Variants in DDX25 observed in about 807,000 individuals in gnomAD.
DDX25 encodes the protein DEAD-box helicase 25.
A neutral mutation model predicts 64.6 loss-of-function variants in DDX25; 70 were observed. That is an observed-to-expected ratio of 1.08 (90% CI 0.89 to 1.32). The LOEUF is 1.32. Among genes scored for constraint, DDX25 ranks in the 40% most tolerant of loss-of-function variants. DDX25 has a pLI of 0.00. For missense variants in DDX25, 587 were observed against 604.4 expected (o/e 0.97, Z 0.30); for synonymous variants, 211 against 213.3 (o/e 0.99, Z 0.09).
At chr11:125,907,552 G>T (rs1285071008) in intron 4 of DDX25, among the ~76,000 whole-genome samples, 2 of 152,006 alleles carry the variant, frequency 1.3e-5, no homozygotes, top group Admixed American at 1.3e-4. Context: ...AGCTTGCAGT[G>T]AGCTGAGGTC....
intron 1 of DDX25, 109 bp downstream of exon 1, chr11:125,904,689 G>T: frequency 1.6e-6 from 2 of 1,242,850 alleles, no homozygotes; most frequent in African/African-American, 1.5e-5. Context: ...GAAGTGGGGC[G>T]TCAGATGCTG....
rs635819 is a variant in DDX25, at chr11:125,921,122, C to T, written c.1202-69C>T. 0.19 allele frequency: 263,187 copies of T among 1,410,326 alleles called. 25,569 individuals carry two copies. Among genetic ancestry groups the T allele is most frequent in the Admixed American group, 0.29 (11,472 of 38,932 alleles). 87.4% of individuals were successfully genotyped at this position (1,410,326 alleles called of 1,614,324 possible). A position where few individuals can be genotyped will look rare whatever the true frequency, so the allele number is the denominator to read the frequency against. On this transcript the variant is annotated intron_variant, in intron 10 of 11. Transcript: ENST00000263576. This position sits in a 1 kb window ranked among gnomAD's most constrained non-coding sequence, Gnocchi z 4.1. ...TATAAATAGGAATTCCCTTGGCAGA[C>T]GTGGTACTTGAATGGCCCGTGTACT... is the stretch of plus-strand genomic sequence containing the variant.
Position 125,906,638 on chromosome 11 carries a change from C to T in DDX25, c.311+429C>T, listed in dbSNP as rs540951797. ...GTCAGGAGCTTGAGACCAGCCTGGC[C>T]GACATGGGAAAACCCCCTCTCCACT... On this transcript the variant is annotated intron_variant, in intron 4 of 11. Transcript: ENST00000263576. 4.6e-5 allele frequency among the ~76,000 whole-genome samples: 7 copies of T among 151,768 alleles called. No individual in the cohort carries two copies. In the East Asian group the frequency reaches 7.8e-4, roughly 17 times the overall value.
chr11:125,914,324 A>G (rs906560658), intron 8 of DDX25, among the ~76,000 whole-genome samples: 1 of 152,128 alleles, frequency 6.6e-6, no homozygotes, highest in Non-Finnish European at 1.5e-5. Context: ...GGACTATGTA[A>G]TGTCTCTGTT....
chr11:125,909,624 G>A (rs1345565442), intron 6 of DDX25, among the ~76,000 whole-genome samples: 2 of 151,264 alleles, frequency 1.3e-5, no homozygotes, highest in East Asian at 3.9e-4. Flanking sequence ...ATTGGATCAA[G>A]CAAGGAGTGT....
Position 125,921,258 on chromosome 11 carries a change from G to A in DDX25, c.1269G>A (p.Pro423=), listed in dbSNP as rs371026880. The part of the protein sequence containing the change: ...FDLPVKQGEE[P]DYETYLHRIG... The stretch of plus-strand genomic sequence containing the variant: ...TCCCTGTAAAACAAGGAGAGGAGCC[G>A]GACTATGAGACCTACCTCCACCGCA... Residue 423 remains proline, a synonymous_variant, in exon 11 of 12, where the codon CCG becomes CCA. Transcript: ENST00000263576. This position sits in a 1 kb window ranked among gnomAD's most constrained non-coding sequence, Gnocchi z 4.1. 1.2e-4 allele frequency: 201 copies of A among 1,612,986 alleles called. 2 individuals are homozygous for A. In the East Asian group the frequency reaches 2.9e-3, roughly 24 times the overall value.
intron 8 of DDX25, among the ~76,000 whole-genome samples, chr11:125,914,469 C>T (rs759382058): frequency 3.7e-4 from 56 of 152,300 alleles, no homozygotes; most frequent in Non-Finnish European, 4.0e-4. Flanking sequence ...TTTGCCTCCA[C>T]TTTCTACTAA....
chr11:125,928,776 G>A lies in DDX25; in HGVS notation c.*5895G>A, dbSNP rs1325858222. The A allele has an allele frequency of 6.6e-6, 1 of 152,120 alleles. No homozygotes were observed. Among genetic ancestry groups the A allele is most frequent in the Non-Finnish European group, 1.5e-5 (1 of 68,010 alleles). 9.4% of individuals were successfully genotyped at this position (152,120 alleles called of 1,614,324 possible). A position where few individuals can be genotyped will look rare whatever the true frequency, so the allele number is the denominator to read the frequency against. On this transcript the variant is annotated 3_prime_UTR_variant, in exon 12 of 12. Transcript: ENST00000263576. The stretch of plus-strand genomic sequence containing the variant: ...GTTAATGGTTTCCTTGTCAAGTTGT[G>A]TGAAATATATGTGTGAATTTATTTT...
At position 125,928,785 on chromosome 11, in the gene DDX25, A is replaced by G. The variant is rs572422034; in HGVS notation, c.*5904A>G. The stretch of plus-strand genomic sequence containing the variant: ...TTCCTTGTCAAGTTGTGTGAAATAT[A>G]TGTGTGAATTTATTTTTCCAAATAA... On this transcript the variant is annotated 3_prime_UTR_variant, in exon 12 of 12. Coordinates refer to ENST00000263576, the MANE Select transcript of DDX25 (RefSeq NM_013264.5). The G allele has an allele frequency of 6.6e-6, 1 of 152,308 alleles. No individual in the cohort carries two copies. Among genetic ancestry groups the G allele is most frequent in the South Asian group, 2.1e-4 (1 of 4,832 alleles). 9.4% of individuals were successfully genotyped at this position (152,308 alleles called of 1,614,324 possible). A position where few individuals can be genotyped will look rare whatever the true frequency, so the allele number is the denominator to read the frequency against.
intron 2 of DDX25, 63 bp from the exon 3 acceptor site, chr11:125,905,490 A>C: frequency 1.3e-6 from 2 of 1,507,920 alleles, no homozygotes; most frequent in African/African-American, 1.4e-5. Context: ...ATTGAATAGC[A>C]TGCTTTACAT....
rs913545463 is a variant in DDX25 at position 125,920,922 on chromosome 11, A to ACG, written c.1202-268_1202-267insGC. 4.6e-4 allele frequency: 45 copies of ACG among 97,168 alleles called. No individual in the cohort carries two copies. The East Asian group carries it at 7.1e-3, about 15-fold the overall frequency. The allele number at this position is 97,168 out of a possible 1,614,324, so 6.0% of individuals were successfully genotyped here. On this transcript the variant is annotated intron_variant, in intron 10 of 11. Transcript: ENST00000263576. ...ACCTCTCCACCACACACACACATAC[A>ACG]CACACACACACACACACACACACAC...
At chr11:125,909,098 C>T (rs974894904) in intron 6 of DDX25, among the ~76,000 whole-genome samples, 10 of 152,114 alleles carry the variant, frequency 6.6e-5, no homozygotes, top group African/African-American at 2.2e-4. Flanking sequence ...CACTGGTACC[C>T]GGTTTACCAT....
At chr11:125,911,686 T>C (rs575335634) in intron 8 of DDX25, among the ~76,000 whole-genome samples, 198 bp downstream of exon 8, 9 of 152,356 alleles carry the variant, frequency 5.9e-5, no homozygotes, top group Admixed American at 2.6e-4. Flanking sequence ...CAGTTTGTAA[T>C]CTTGCCTGAG....
At chr11:125,917,359 G>T (rs1945053181) in intron 9 of DDX25, 108 bp downstream of exon 9, 5 of 993,126 alleles carry the variant, frequency 5.0e-6, no homozygotes, top group South Asian at 1.6e-5. Context: ...CACTTCTTGT[G>T]TGTCTCCAGT....
chr11:125,906,358 C>G (rs530520346), intron 4 of DDX25, 149 bp downstream of exon 4: 2 of 1,079,302 alleles, frequency 1.9e-6, no homozygotes, highest in African/African-American at 3.3e-5. Flanking sequence ...CTCACTCTGT[C>G]CCCCAGGCTG....
At chr11:125,916,975 G>A (rs747369986) in intron 8 of DDX25, 39 bp from the exon 9 acceptor site, 2 of 1,545,540 alleles carry the variant, frequency 1.3e-6, no homozygotes, top group Non-Finnish European at 1.8e-6. Context: ...AGAGTGATGG[G>A]ATGGCAGCTT....
At chr11:125,905,136 C>G in intron 1 of DDX25, 76 bp from the exon 2 acceptor site, 3 of 1,335,284 alleles carry the variant, frequency 2.2e-6, no homozygotes, top group Non-Finnish European at 3.2e-6. Context: ...TCCCTCCCAG[C>G]CCCTGTGGTA....
At position 125,920,897 on chromosome 11, in the gene DDX25, A is replaced by G. The variant is rs922389590; in HGVS notation, c.1202-294A>G. 22 of 259,584 alleles carry G rather than the reference A, an allele frequency of 8.5e-5. 1 individual carries two copies. In the Admixed American group the frequency reaches 1.0e-3, roughly 12 times the overall value. 16.1% of individuals were successfully genotyped at this position (259,584 alleles called of 1,614,324 possible). A position where few individuals can be genotyped will look rare whatever the true frequency, so the allele number is the denominator to read the frequency against. ...GTGGCTCTGTGGGCTTGGTGAGGGCACCTCTCCACCACACACACACATACA... is the reference window on the plus strand; with the variant it reads ...GTGGCTCTGTGGGCTTGGTGAGGGCGCCTCTCCACCACACACACACATACA... On this transcript the variant is annotated intron_variant, in intron 10 of 11. Coordinates refer to ENST00000263576, the MANE Select transcript of DDX25 (RefSeq NM_013264.5).
rs61918841 is a variant in DDX25 at position 125,924,853 on chromosome 11, C to T, written c.*1972C>T. ...TGTAACACATGGAACTCCTGCTGCT[C>T]GGTGTCCATCCTGGTTCTCCTTATC... On this transcript the variant is annotated 3_prime_UTR_variant, in exon 12 of 12. Transcript: ENST00000263576. 0.018 allele frequency: 2,675 copies of T among 152,596 alleles called. 238 individuals carry two copies. The East Asian group carries it at 0.29, about 17-fold the overall frequency. The allele number at this position is 152,596 out of a possible 1,614,324, so 9.5% of individuals were successfully genotyped here.
Sources: gnomAD v4.1 joint callset for allele counts (sites outside exome capture counted in the v4.1 genomes callset) on GRCh38, gnomAD v4.1.1 for gene constraint, Gnocchi (gnomAD v3.1) non-coding constraint, MANE v1.5 for transcripts, NCBI Gene and HGNC (gene_info 2026-07-23, HGNC 2026-07-21) for gene names.